Variants in STOX2 observed in about 807,000 individuals in gnomAD.
The protein encoded by STOX2 is storkhead-box protein 2.
STOX2 carries 28 observed loss-of-function variants against 60.9 expected under a neutral mutation model. The observed-to-expected ratio is 0.46, with a 90% CI of 0.34 to 0.63. The LOEUF is 0.63. Among genes scored for constraint, STOX2 ranks in the 30% least tolerant of loss-of-function variants. STOX2 has a pLI of 0.01. For missense variants in STOX2, 1,024 were observed against 1,187.7 expected, an observed-to-expected ratio of 0.86 and a Z score of 2.03; for synonymous variants, 472 against 463.9, an observed-to-expected ratio of 1.02 and a Z score of -0.22.
In STOX2 at chr4:184,001,573, G is replaced by A. The variant is rs570239078; in HGVS notation, c.319+96G>A. 4.9e-6 allele frequency: 6 copies of A among 1,231,116 alleles called. No individual in the cohort carries two copies. The East Asian group carries it at 7.9e-5, about 16-fold the overall frequency. The allele number at this position is 1,231,116 out of a possible 1,614,324, so 76.3% of individuals were successfully genotyped here. A position where few individuals can be genotyped will look rare whatever the true frequency, so the allele number is the denominator to read the frequency against. On this transcript the variant is annotated intron_variant, in intron 2 of 3. Transcript: ENST00000308497. The surrounding 1 kb of genome is among the most constrained non-coding windows in gnomAD (Gnocchi z 4.2). ...GTTCTGCCCATGTTTAAAGAGAATA[G>A]GAAAACATTCTTCCCCAAAACTGAC...
chr4:183,900,349 T>G (rs1330693628), upstream of STOX2, among the ~76,000 whole-genome samples: 2 of 152,192 alleles, frequency 1.3e-5, no homozygotes, highest in African/African-American at 4.8e-5. Flanking sequence ...TTCATGAGGC[T>G]GTAGCTGCCA....
chr4:183,906,939 G>C lies in STOX2; in HGVS notation c.149G>C (p.Arg50Pro), dbSNP rs1252918651. 7.1e-6 allele frequency: 11 copies of C among 1,547,122 alleles called. No homozygotes were observed. In the African/African-American group the frequency reaches 1.2e-4, roughly 17 times the overall value. Reference protein sequence around the residue: ...FPAAFAPQASRGYMTSGDVSP... With the variant: ...FPAAFAPQASPGYMTSGDVSP... ...GCGGCCTTCGCGCCCCAGGCTTCGC[G>C]GGGCTACATGACATCAGGTTGGTTG... is the stretch of plus-strand genomic sequence containing the variant. The change falls in exon 1 of 4, where the codon CGG becomes CCG. Residue 50 changes from arginine to proline, a missense_variant. Arg to Pro is a moderately radical substitution (Grantham distance 103). Around this residue, in one of 3 missense-constraint regions of STOX2, gnomAD observed 98 missense variants for 110.2 expected, o/e 0.89. Coordinates refer to ENST00000308497, the MANE Select transcript of STOX2 (RefSeq NM_020225.3).
intron 1 of STOX2, among the ~76,000 whole-genome samples, chr4:183,946,589 ATTCCCTAAATAACG>A (rs1742896455): frequency 6.6e-6 from 1 of 151,102 alleles, no homozygotes; most frequent in African/African-American, 2.4e-5. Flanking sequence ...TCTTGTTGTT[ATTCCCTAAATAACG>A]TAACAACTAT....
chr4:183,812,660 G>A (rs745751288), intron 1 of STOX2, among the ~76,000 whole-genome samples: 2 of 152,170 alleles, frequency 1.3e-5, no homozygotes, highest in Non-Finnish European at 2.9e-5. Context: ...GTACTGCCCA[G>A]TCTAAGGATC....
intron 1 of STOX2, among the ~76,000 whole-genome samples, chr4:183,819,170 G>A (rs1358947256): frequency 6.6e-6 from 1 of 152,188 alleles, no homozygotes; most frequent in East Asian, 1.9e-4. Context: ...TGCAATCTTG[G>A]CACTTTGGGA....
intron 1 of STOX2, among the ~76,000 whole-genome samples, chr4:183,915,398 A>AC (rs1228232492): frequency 6.6e-6 from 1 of 150,814 alleles, no homozygotes; most frequent in Non-Finnish European, 1.5e-5. Context: ...CGCCAGAGTG[A>AC]CTGAGGTGCA....
chr4:183,918,770 A>C (rs1235224755), intron 1 of STOX2, among the ~76,000 whole-genome samples: 1 of 152,184 alleles, frequency 6.6e-6, no homozygotes, highest in Non-Finnish European at 1.5e-5. Flanking sequence ...CACTCTTCAC[A>C]TGTGTTAATA....
intron 1 of STOX2, among the ~76,000 whole-genome samples, chr4:183,815,811 G>C (rs923876127): frequency 3.9e-5 from 6 of 152,138 alleles, no homozygotes; most frequent in African/African-American, 1.4e-4. Context: ...CCTTAAATAA[G>C]GTATAAATGA....
rs753746330 is a variant in STOX2 at position 183,844,186 on chromosome 4, C to T, written c.364+46131C>T. On this transcript the variant is annotated intron_variant, in intron 1 of 2. Coordinates refer to the STOX2 transcript ENST00000513034. Reference sequence around the variant, plus strand: ...CCATTGCAAGTAGATATGAGGATGGCAGTCATTTTCTTCCTCCAACCCTTA... The same window carrying T: ...CCATTGCAAGTAGATATGAGGATGGTAGTCATTTTCTTCCTCCAACCCTTA... Among the ~76,000 whole-genome samples the T allele has an allele frequency of 4.6e-5, 7 of 152,166 alleles. 1 individual carries two copies. Among genetic ancestry groups the T allele is most frequent in the Non-Finnish European group, 1.0e-4 (7 of 68,018 alleles).
At chr4:183,989,782 A>G (rs529148037) in intron 1 of STOX2, among the ~76,000 whole-genome samples, 60 of 152,308 alleles carry the variant, frequency 3.9e-4, no homozygotes, top group African/African-American at 1.4e-3. Flanking sequence ...TGACAACGAA[A>G]TGGTAAATTT....
chr4:183,819,352 G>A (rs568053141), intron 1 of STOX2, among the ~76,000 whole-genome samples: 2 of 152,040 alleles, frequency 1.3e-5, no homozygotes, highest in African/African-American at 2.4e-5. Flanking sequence ...AGACCAGCCC[G>A]GCCAACACAG....
chr4:183,870,009 C>T (rs1272645928), intron 1 of STOX2, among the ~76,000 whole-genome samples: 1 of 152,144 alleles, frequency 6.6e-6, no homozygotes, highest in East Asian at 1.9e-4. Context: ...TTGTTTATGG[C>T]CTGATTGATT....
chr4:183,931,403 G>A (rs1742418613), intron 1 of STOX2, among the ~76,000 whole-genome samples: 1 of 152,078 alleles, frequency 6.6e-6, no homozygotes, highest in Non-Finnish European at 1.5e-5. Context: ...CAGCCTGGGC[G>A]ACAGAGTAAG....
intron 1 of STOX2, among the ~76,000 whole-genome samples, chr4:183,999,839 T>C (rs759192169): frequency 1.3e-5 from 2 of 152,162 alleles, no homozygotes; most frequent in Non-Finnish European, 2.9e-5. Context: ...TGCCTGACAG[T>C]GAGGAGGTTG....
chr4:183,822,959 G>T (rs969290700), intron 1 of STOX2, among the ~76,000 whole-genome samples: 3 of 152,220 alleles, frequency 2.0e-5, no homozygotes, highest in African/African-American at 7.2e-5. Context: ...CCTGCACATG[G>T]CTCTCCTAGC....
chr4:183,880,405 TCAAC>T (rs948027614), intron 1 of STOX2, among the ~76,000 whole-genome samples: 4 of 113,480 alleles, frequency 3.5e-5, no homozygotes, highest in African/African-American at 1.7e-4. Context: ...TATAAACCAA[TCAAC>T]CAACCAACCA....
intron 1 of STOX2, among the ~76,000 whole-genome samples, chr4:183,982,335 T>G (rs1455787875): frequency 6.6e-6 from 1 of 152,240 alleles, no homozygotes; most frequent in African/African-American, 2.4e-5. Flanking sequence ...TTTTTAAAAG[T>G]ATTTCGTTTC....
intron 1 of STOX2, among the ~76,000 whole-genome samples, chr4:183,803,565 C>T (rs913782965): frequency 2.6e-5 from 4 of 152,222 alleles, no homozygotes; most frequent in Non-Finnish European, 5.9e-5. Flanking sequence ...AGAGCATTCA[C>T]CAGTTCCTGG....
At chr4:183,939,380 C>T (rs1379222725) in intron 1 of STOX2, among the ~76,000 whole-genome samples, 2 of 152,332 alleles carry the variant, frequency 1.3e-5, no homozygotes, top group Non-Finnish European at 1.5e-5. Flanking sequence ...TTTTCATCTT[C>T]TCTGTGTTCC....
Sources: gnomAD v4.1 joint callset for allele counts (sites outside exome capture counted in the v4.1 genomes callset) on GRCh38, gnomAD v4.1.1 for gene constraint, gnomAD v4.1.1 regional missense constraint, Gnocchi (gnomAD v3.1) non-coding constraint, MANE v1.5 for transcripts, NCBI Gene and HGNC (gene_info 2026-07-23, HGNC 2026-07-21) for gene names.